Variants in DMRT1 observed in about 807,000 individuals in gnomAD.
DMRT1 encodes the protein doublesex- and mab-3-related transcription factor 1.
Under a neutral mutation model 32.3 loss-of-function variants are expected in DMRT1, and 7 were observed. The observed-to-expected ratio is 0.22, with a 90% CI of 0.12 to 0.41. The LOEUF is 0.41. Among genes scored for constraint, DMRT1 ranks in the 10% least tolerant of loss-of-function variants. DMRT1 has a pLI of 1.00. For synonymous variants in DMRT1, 278 were observed against 206.1 expected, an observed-to-expected ratio of 1.35 and a Z score of -2.99; for missense variants, 625 against 500.5, an observed-to-expected ratio of 1.25 and a Z score of -2.37.
chr9:934,278 G>A (rs1171820440), intron 4 of DMRT1, among the ~76,000 whole-genome samples: 1 of 86,596 alleles, frequency 1.2e-5, no homozygotes, highest in Non-Finnish European at 2.0e-5. Flanking sequence ...ATAGTGACCA[G>A]TGAGTGACCT....
chr9:869,002 C>T (rs964934527), intron 2 of DMRT1, among the ~76,000 whole-genome samples: 1 of 152,040 alleles, frequency 6.6e-6, no homozygotes. Context: ...CAGAGTGAGA[C>T]ACTATCTGAA....
At chr9:846,327 C>T (rs1293957889) in intron 1 of DMRT1, among the ~76,000 whole-genome samples, 1 of 152,148 alleles carries the variant, frequency 6.6e-6, no homozygotes, top group Admixed American at 6.6e-5. Flanking sequence ...ACCACCACTC[C>T]TGGCCCTGTT....
At chr9:858,954 T>C (rs926962825) in intron 2 of DMRT1, among the ~76,000 whole-genome samples, 1 of 151,828 alleles carries the variant, frequency 6.6e-6, no homozygotes, top group African/African-American at 2.4e-5. Flanking sequence ...TTCACCATAA[T>C]GTGCAACTGT....
In DMRT1 at chr9:965,360, G is replaced by T. The variant is rs1819900013; in HGVS notation, c.968-2625G>T. Among the ~76,000 whole-genome samples, 1 of 152,200 alleles carries T rather than the reference G, an allele frequency of 6.6e-6. No homozygotes were observed. Among genetic ancestry groups the T allele is most frequent in the Non-Finnish European group, 1.5e-5 (1 of 68,036 alleles). On this transcript the variant is annotated intron_variant, in intron 4 of 4. Coordinates refer to ENST00000382276, the MANE Select transcript of DMRT1 (RefSeq NM_021951.3). This position sits in a 1 kb window ranked among gnomAD's most constrained non-coding sequence, Gnocchi z 4.5. ...ATACGGCTGTTTTTCAAAACAGGGT[G>T]AGTTTTACATTTTCTCTAGAGTGCA...
chr9:968,306 T>C lies in DMRT1; in HGVS notation c.*167T>C. On this transcript the variant is annotated 3_prime_UTR_variant, in exon 5 of 5. Coordinates refer to ENST00000382276, the MANE Select transcript of DMRT1 (RefSeq NM_021951.3). ...AGAGGCTGTAACACATTTGTAATACTTTAGGGTCCGTGACTACCATCTGCA... is the reference window on the plus strand; with the variant it reads ...AGAGGCTGTAACACATTTGTAATACCTTAGGGTCCGTGACTACCATCTGCA... The C allele has an allele frequency of 1.3e-6, 1 of 768,958 alleles. No individual in the cohort carries two copies. The highest frequency in any genetic ancestry group is 2.1e-6 in the Non-Finnish European group (1 of 477,672). 47.6% of individuals were successfully genotyped at this position (768,958 alleles called of 1,614,324 possible). A position where few individuals can be genotyped will look rare whatever the true frequency, so the allele number is the denominator to read the frequency against.
chr9:883,811 G>A (rs2132634535), intron 2 of DMRT1, among the ~76,000 whole-genome samples: 1 of 151,620 alleles, frequency 6.6e-6, no homozygotes, highest in Non-Finnish European at 1.5e-5. Flanking sequence ...AAAAAATGGG[G>A]AAAACAACTT....
chr9:870,495 G>A (rs1399620036), intron 2 of DMRT1, among the ~76,000 whole-genome samples: 2 of 152,084 alleles, frequency 1.3e-5, no homozygotes, highest in Non-Finnish European at 2.9e-5. Flanking sequence ...GACAGCATCC[G>A]TCATAATTTT....
At chr9:898,493 C>G (rs1817457098) in intron 3 of DMRT1, among the ~76,000 whole-genome samples, 1 of 152,130 alleles carries the variant, frequency 6.6e-6, no homozygotes, top group Non-Finnish European at 1.5e-5. Context: ...TTCTGCTGTT[C>G]CTGGAAGGCT....
intron 2 of DMRT1, among the ~76,000 whole-genome samples, chr9:861,737 C>G (rs371224374): frequency 1.1e-4 from 16 of 149,344 alleles, no homozygotes; most frequent in Non-Finnish European, 1.9e-4. Context: ...GGGCTGCCCC[C>G]CACCTCCTGG....
chr9:962,908 G>T (rs142898500), intron 4 of DMRT1, among the ~76,000 whole-genome samples: 2 of 152,106 alleles, frequency 1.3e-5, no homozygotes, highest in African/African-American at 4.8e-5. Context: ...TCCCGGGCCA[G>T]TGCTCCCCCA....
At chr9:918,923 A>G (rs967933910) in intron 4 of DMRT1, among the ~76,000 whole-genome samples, 12 of 152,172 alleles carry the variant, frequency 7.9e-5, no homozygotes. Context: ...GAGGTCAGTA[A>G]GGACACCTCA....
chr9:924,478 G>A (rs1818459164), intron 4 of DMRT1, among the ~76,000 whole-genome samples: 1 of 152,158 alleles, frequency 6.6e-6, no homozygotes, highest in Non-Finnish European at 1.5e-5. Flanking sequence ...TAAAAGTATG[G>A]CAGAATCTGT....
At chr9:905,999 T>TGA (rs1489326501) in intron 3 of DMRT1, among the ~76,000 whole-genome samples, 1 of 148,744 alleles carries the variant, frequency 6.7e-6, no homozygotes, top group Non-Finnish European at 1.5e-5. Context: ...CTAGGCATGC[T>TGA]GTCTCTCAAG....
chr9:847,562 T>A (rs1838960507), intron 2 of DMRT1, among the ~76,000 whole-genome samples: 1 of 152,236 alleles, frequency 6.6e-6, no homozygotes, highest in Non-Finnish European at 1.5e-5. Flanking sequence ...CAAATTTGAA[T>A]GAGCGGGAAG....
intron 2 of DMRT1, among the ~76,000 whole-genome samples, chr9:892,799 A>G (rs541854245): frequency 6.6e-6 from 1 of 152,174 alleles, no homozygotes; most frequent in African/African-American, 2.4e-5. Context: ...CCCATCTTTC[A>G]TACTACATGT....
At chr9:896,470 C>G (rs1564232660) in intron 3 of DMRT1, among the ~76,000 whole-genome samples, 1 of 151,896 alleles carries the variant, frequency 6.6e-6, no homozygotes, top group Non-Finnish European at 1.5e-5. Context: ...ATTTCCTCCA[C>G]CTCGAGCTCC....
At chr9:845,363 A>T (rs1386048496) in intron 1 of DMRT1, among the ~76,000 whole-genome samples, 1 of 151,596 alleles carries the variant, frequency 6.6e-6, no homozygotes, top group Non-Finnish European at 1.5e-5. Flanking sequence ...GCACACCACC[A>T]TGCCTGGCTA....
At chr9:881,023 C>T (rs1015152077) in intron 2 of DMRT1, among the ~76,000 whole-genome samples, 4 of 152,098 alleles carry the variant, frequency 2.6e-5, no homozygotes, top group African/African-American at 9.7e-5. Context: ...TAAAGCAGTT[C>T]TCAACTTGCT....
intron 2 of DMRT1, among the ~76,000 whole-genome samples, chr9:854,587 G>T (rs1815308163): frequency 6.6e-6 from 1 of 152,102 alleles, no homozygotes; most frequent in Admixed American, 6.6e-5. Flanking sequence ...ATTGGATTGA[G>T]ACTTTATTTT....
Sources: gnomAD v4.1 joint callset for allele counts (sites outside exome capture counted in the v4.1 genomes callset) on GRCh38, gnomAD v4.1.1 for gene constraint, Gnocchi (gnomAD v3.1) non-coding constraint, MANE v1.5 for transcripts, NCBI Gene and HGNC (gene_info 2026-07-23, HGNC 2026-07-21) for gene names.